FRMD4B: variants seen among roughly 807,000 people sequenced by gnomAD.
FRMD4B encodes the protein FERM domain-containing protein 4B.
FRMD4B carries 74 observed loss-of-function variants against 141.5 expected under a neutral mutation model. That is an observed-to-expected ratio of 0.52 (90% CI 0.43 to 0.63). The LOEUF (loss-of-function observed/expected upper bound fraction) is 0.63, where lower values mean the gene tolerates loss of function less well. FRMD4B is among the 30% of genes least tolerant of loss of function. The pLI is 0.00. For synonymous variants in FRMD4B, 506 were observed against 467.9 expected (o/e 1.08, Z -1.05); for missense variants, 1,366 against 1,253.4 (o/e 1.09, Z -1.36).
intron 1 of FRMD4B, among the ~76,000 whole-genome samples, chr3:69,456,202 C>A (rs6804258): frequency 0.32 from 49,064 of 151,914 alleles, 8,163 homozygotes; most frequent in African/African-American, 0.38. Flanking sequence ...GTGTATGACA[C>A]TTTCATTTCA....
intron 7 of FRMD4B, among the ~76,000 whole-genome samples, chr3:69,244,846 C>T (rs1322773391): frequency 1.3e-5 from 2 of 152,094 alleles, no homozygotes. Flanking sequence ...ATGAGCTGCA[C>T]TCCAGTCTGG....
At chr3:69,483,528 T>A (rs1387827638) in intron 1 of FRMD4B, among the ~76,000 whole-genome samples, 1 of 152,170 alleles carries the variant, frequency 6.6e-6, no homozygotes, top group African/African-American at 2.4e-5. Flanking sequence ...TTAAAATGGA[T>A]TGTAGAACTG....
chr3:69,529,470 C>T (rs1208718164), intron 1 of FRMD4B, among the ~76,000 whole-genome samples: 1 of 152,110 alleles, frequency 6.6e-6, no homozygotes, highest in East Asian at 1.9e-4. Context: ...CAAATTACCA[C>T]TTGTCTGGGA....
chr3:69,327,520 A>G (rs1702224309), intron 1 of FRMD4B, among the ~76,000 whole-genome samples: 1 of 152,162 alleles, frequency 6.6e-6, no homozygotes, highest in Non-Finnish European at 1.5e-5. Context: ...GTACATGCTT[A>G]CTCTCAGGGT....
chr3:69,526,083 A>T (rs139366595), intron 1 of FRMD4B, among the ~76,000 whole-genome samples: 101 of 152,176 alleles, frequency 6.6e-4, no homozygotes, highest in African/African-American at 1.8e-3. Flanking sequence ...TCTGCTGAGG[A>T]CTTTCTTGTG....
chr3:69,536,805 G>A, intron 1 of FRMD4B: 1 of 418,764 alleles, frequency 2.4e-6, no homozygotes, highest in South Asian at 2.3e-5. Flanking sequence ...GGAGTGCAAT[G>A]GCACTATCAC....
At chr3:69,197,534 T>G (rs2092920584) in intron 12 of FRMD4B, among the ~76,000 whole-genome samples, 2 of 134,450 alleles carry the variant, frequency 1.5e-5, no homozygotes. Flanking sequence ...CTGTCCAGAG[T>G]GCTGCTTGTA....
intron 1 of FRMD4B, among the ~76,000 whole-genome samples, chr3:69,314,138 CAAA>C (rs57956106): frequency 1.5e-4 from 2 of 13,168 alleles, no homozygotes; most frequent in African/African-American, 3.8e-4. Flanking sequence ...GACTCCGTCT[CAAA>C]AAAAAAAAAA....
chr3:69,479,879 C>G (rs1448613662), intron 1 of FRMD4B, among the ~76,000 whole-genome samples: 3 of 152,186 alleles, frequency 2.0e-5, no homozygotes, highest in Non-Finnish European at 4.4e-5. Context: ...CACATAGTCC[C>G]ATATTTCTTG....
intron 1 of FRMD4B, among the ~76,000 whole-genome samples, chr3:69,509,989 C>CA (rs1706663367): frequency 6.6e-6 from 1 of 151,096 alleles, no homozygotes. Flanking sequence ...ACTGGGAAAT[C>CA]AAAAAATCAT....
At chr3:69,245,332 TGTGTGTGTG>T (rs2093415780) in intron 7 of FRMD4B, among the ~76,000 whole-genome samples, 2 of 149,482 alleles carry the variant, frequency 1.3e-5, no homozygotes, top group African/African-American at 5.1e-5. Flanking sequence ...TGTGTGTGTG[TGTGTGTGTG>T]TGTGTGTGTG....
intron 1 of FRMD4B, among the ~76,000 whole-genome samples, chr3:69,346,694 AG>A (rs1702955833): frequency 6.6e-6 from 1 of 152,240 alleles, no homozygotes; most frequent in Non-Finnish European, 1.5e-5. Context: ...CTTAAAGAAA[AG>A]AATTTCCAAC....
chr3:69,388,020 C>A (rs981054), upstream of FRMD4B, among the ~76,000 whole-genome samples: 20,121 of 151,756 alleles, frequency 0.13, 1,528 homozygotes, highest in Admixed American at 0.19. Context: ...GAACTGTCAT[C>A]ATGCTGAATG....
chr3:69,411,480 C>G (rs758328041), intron 2 of FRMD4B, among the ~76,000 whole-genome samples: 24 of 152,166 alleles, frequency 1.6e-4, no homozygotes, highest in Non-Finnish European at 3.1e-4. Flanking sequence ...CATTGAGTTT[C>G]TGAGTTATGT....
intron 14 of FRMD4B, among the ~76,000 whole-genome samples, 153 bp from the exon 15 acceptor site, chr3:69,195,517 A>G (rs1412047302): frequency 1.3e-5 from 2 of 152,138 alleles, no homozygotes; most frequent in Non-Finnish European, 2.9e-5. Flanking sequence ...ACTGGAAAAC[A>G]TTTTCTCATT....
At chr3:69,267,421 A>G (rs1017648774) in intron 5 of FRMD4B, among the ~76,000 whole-genome samples, 1 of 152,044 alleles carries the variant, frequency 6.6e-6, no homozygotes, top group African/African-American at 2.4e-5. Flanking sequence ...GAGCAATTTG[A>G]ATAAAGACTG....
intron 2 of FRMD4B, among the ~76,000 whole-genome samples, chr3:69,411,695 G>A (rs1704763811): frequency 6.6e-6 from 1 of 152,198 alleles, no homozygotes. Flanking sequence ...AAAGTAGTGA[G>A]TAATTTACAA....
intron 1 of FRMD4B, among the ~76,000 whole-genome samples, chr3:69,438,851 G>A (rs1028264554): frequency 5.9e-5 from 9 of 152,082 alleles, no homozygotes; most frequent in African/African-American, 2.2e-4. Flanking sequence ...AGAAGAAAAT[G>A]CAACAAACTC....
intron 1 of FRMD4B, among the ~76,000 whole-genome samples, chr3:69,491,619 T>C (rs1405464622): frequency 1.3e-5 from 2 of 152,162 alleles, no homozygotes; most frequent in Non-Finnish European, 2.9e-5. Flanking sequence ...GGGTTAAAGT[T>C]ACAAATACAA....
Sources: gnomAD v4.1 joint callset for allele counts (sites outside exome capture counted in the v4.1 genomes callset) on GRCh38, gnomAD v4.1.1 for gene constraint, MANE v1.5 for transcripts, NCBI Gene and HGNC (gene_info 2026-07-23, HGNC 2026-07-21) for gene names.